Variants in ATP6V1A observed in about 807,000 individuals in gnomAD.
The protein encoded by ATP6V1A is V-type proton ATPase catalytic subunit A.
Under a neutral mutation model 70.1 loss-of-function variants are expected in ATP6V1A, and 18 were observed. The observed-to-expected ratio is 0.26, with a 90% CI of 0.18 to 0.38. ATP6V1A has a LOEUF of 0.38. Ranked by LOEUF, ATP6V1A falls within the 10% of genes least tolerant of loss-of-function variation. The pLI is 1.00. For synonymous variants in ATP6V1A, 232 were observed against 253.8 expected (o/e 0.91, Z 0.82); for missense variants, 424 against 772.4 (o/e 0.55, Z 5.35).
intron 8 of ATP6V1A, among the ~76,000 whole-genome samples, chr3:113,794,456 G>A (rs1356624321): frequency 6.6e-6 from 1 of 152,198 alleles, no homozygotes; most frequent in Admixed American, 6.5e-5. Context: ...TATAATAGAT[G>A]TTTATTTCAA....
At chr3:113,748,171 A>G (rs773321579) in intron 1 of ATP6V1A, among the ~76,000 whole-genome samples, 1 of 152,156 alleles carries the variant, frequency 6.6e-6, no homozygotes, top group Admixed American at 6.5e-5. Context: ...TCAGATTTTG[A>G]TGAATAGTAT....
chr3:113,793,352 C>T (rs1032855055), intron 8 of ATP6V1A, among the ~76,000 whole-genome samples: 4 of 152,150 alleles, frequency 2.6e-5, no homozygotes, highest in Non-Finnish European at 4.4e-5. Context: ...CTTGAGCCAC[C>T]GCGCCTGGCC....
At chr3:113,748,892 C>G (rs1368431712) in intron 1 of ATP6V1A, among the ~76,000 whole-genome samples, 1 of 152,056 alleles carries the variant, frequency 6.6e-6, no homozygotes, top group Admixed American at 6.6e-5. Context: ...TTAATTTTCT[C>G]CATAATAAGG....
intron 1 of ATP6V1A, among the ~76,000 whole-genome samples, chr3:113,749,263 TCACACACACACACA>T (rs58516178): frequency 7.8e-5 from 11 of 141,252 alleles, no homozygotes; most frequent in Admixed American, 3.5e-4. Context: ...TATACACAGA[TCACACACACACACA>T]CACACACACA....
At chr3:113,771,107 ATTAAC>A (rs887360970) in intron 1 of ATP6V1A, among the ~76,000 whole-genome samples, 3 of 151,908 alleles carry the variant, frequency 2.0e-5, no homozygotes, top group African/African-American at 7.3e-5. Context: ...AAAAAAAAAA[ATTAAC>A]TTTGAATATA....
intron 11 of ATP6V1A, among the ~76,000 whole-genome samples, chr3:113,796,452 C>T (rs899189162): frequency 6.6e-6 from 1 of 152,080 alleles, no homozygotes; most frequent in African/African-American, 2.4e-5. Context: ...CTTTTTTGAA[C>T]CTTGGATTCA....
chr3:113,775,915 T>C (rs1222269429), intron 1 of ATP6V1A, among the ~76,000 whole-genome samples: 1 of 152,204 alleles, frequency 6.6e-6, no homozygotes, highest in Non-Finnish European at 1.5e-5. Flanking sequence ...CAATTAAATA[T>C]GTTTGTCTTT....
At position 113,784,700 on chromosome 3, in the gene ATP6V1A, G is replaced by C; in HGVS notation, c.431G>C (p.Gly144Ala). The change falls in exon 5 of 15, where the codon GGT becomes GCT. Residue 144 changes from glycine to alanine, a missense_variant. Physicochemically the swap from Gly to Ala is moderately conservative, Grantham distance 60 (BLOSUM62 0). Coordinates refer to ENST00000273398, the MANE Select transcript of ATP6V1A (RefSeq NM_001690.4). ...DFTPCKNLRV[G>A]SHITGGDIYG... Reference sequence around the variant, plus strand: ...AGCAAATACATTTATCTCTAGGTTGGTAGTCATATCACTGGCGGAGACATT... The same window carrying C: ...AGCAAATACATTTATCTCTAGGTTGCTAGTCATATCACTGGCGGAGACATT... 1 of 1,613,934 alleles carries C rather than the reference G, an allele frequency of 6.2e-7. No individual in the cohort carries two copies. The highest frequency in any genetic ancestry group is 8.5e-7 in the Non-Finnish European group (1 of 1,179,932).
At chr3:113,766,898 A>G (rs1037536278) in intron 1 of ATP6V1A, among the ~76,000 whole-genome samples, 9 of 152,134 alleles carry the variant, frequency 5.9e-5, no homozygotes, top group Non-Finnish European at 1.2e-4. Flanking sequence ...TGAATTATTT[A>G]TTACATACCT....
At chr3:113,803,513 T>A in intron 12 of ATP6V1A, 70 bp from the exon 13 acceptor site, 1 of 1,135,218 alleles carries the variant, frequency 8.8e-7, no homozygotes, top group Non-Finnish European at 1.3e-6. Flanking sequence ...AGTTTCTGCT[T>A]GTTAATTAAT....
intron 1 of ATP6V1A, among the ~76,000 whole-genome samples, chr3:113,751,497 T>C (rs1708586007): frequency 6.6e-6 from 1 of 151,938 alleles, no homozygotes; most frequent in Admixed American, 6.6e-5. Flanking sequence ...TTTATTGATT[T>C]AGGAATGAAT....
chr3:113,788,533 G>T (rs1414536706), intron 6 of ATP6V1A, among the ~76,000 whole-genome samples, 180 bp from the exon 7 acceptor site: 1 of 151,398 alleles, frequency 6.6e-6, no homozygotes, highest in Non-Finnish European at 1.5e-5. Context: ...TTTAGTAGAG[G>T]TGGGGTTTCA....
At chr3:113,766,378 C>G (rs1434958928) in intron 1 of ATP6V1A, among the ~76,000 whole-genome samples, 1 of 152,156 alleles carries the variant, frequency 6.6e-6, no homozygotes. Context: ...TCAGTGCAGC[C>G]TCAACCTCCC....
intron 1 of ATP6V1A, among the ~76,000 whole-genome samples, chr3:113,770,737 G>A (rs559685746): frequency 6.6e-6 from 1 of 152,058 alleles, no homozygotes; most frequent in Admixed American, 6.6e-5. Context: ...TAAATAGCCT[G>A]TAAAGCTATT....
intron 1 of ATP6V1A, among the ~76,000 whole-genome samples, chr3:113,771,975 T>G (rs1001101114): frequency 6.6e-6 from 1 of 152,184 alleles, no homozygotes; most frequent in Non-Finnish European, 1.5e-5. Context: ...GAGTGGTTAT[T>G]CACTTCGATG....
At chr3:113,808,315 CAG>C (rs1249463299) in intron 14 of ATP6V1A, among the ~76,000 whole-genome samples, 1 of 101,680 alleles carries the variant, frequency 9.8e-6, no homozygotes, top group Admixed American at 1.4e-4. Context: ...TTTTCTGAGA[CAG>C]AGTGTCACTC....
chr3:113,788,629 G>A lies in ATP6V1A; in HGVS notation c.717-84G>A, dbSNP rs773323843. 437 of 1,354,206 alleles carry A rather than the reference G, an allele frequency of 3.2e-4. 2 individuals are homozygous for A. Among genetic ancestry groups the A allele is most frequent in the Admixed American group, 4.1e-4 (19 of 45,898 alleles). 83.9% of individuals were successfully genotyped at this position (1,354,206 alleles called of 1,614,324 possible). A position where few individuals can be genotyped will look rare whatever the true frequency, so the allele number is the denominator to read the frequency against. On this transcript the variant is annotated intron_variant, in intron 6 of 14. Coordinates refer to ENST00000273398, the MANE Select transcript of ATP6V1A (RefSeq NM_001690.4). Reference sequence around the variant, plus strand: ...CACAAGTGCTGCTGGGATTACAGGCGTGAGCCACCGCGCCCGGCCCCTACT... The same window carrying A: ...CACAAGTGCTGCTGGGATTACAGGCATGAGCCACCGCGCCCGGCCCCTACT...
chr3:113,785,830 C>CGTT (rs1366787972), intron 5 of ATP6V1A, among the ~76,000 whole-genome samples: 7 of 149,382 alleles, frequency 4.7e-5, no homozygotes, highest in African/African-American at 1.7e-4. Flanking sequence ...TTATATTTAA[C>CGTT]TATTTCTTTG....
intron 3 of ATP6V1A, among the ~76,000 whole-genome samples, chr3:113,782,873 C>T (rs560833886): frequency 7.2e-5 from 11 of 151,936 alleles, no homozygotes; most frequent in Admixed American, 2.0e-4. Flanking sequence ...CCACCTGCCC[C>T]GGCCTCCCAA....
Sources: allele counts gnomAD v4.1 joint callset (sites outside exome capture counted in the v4.1 genomes callset), GRCh38; gene constraint gnomAD v4.1.1; transcripts MANE v1.5; gene names NCBI Gene and HGNC (gene_info 2026-07-23, HGNC 2026-07-21).